The following DLG2 variants were observed in gnomAD, a reference collection of about 807,000 sequenced individuals.
DLG2 encodes the protein disks large homolog 2.
A neutral mutation model predicts 132.5 loss-of-function variants in DLG2; 45 were observed. The observed-to-expected ratio is 0.34, with a 90% CI of 0.27 to 0.44. The LOEUF (loss-of-function observed/expected upper bound fraction) is 0.44. DLG2 is among the 20% of genes least tolerant of loss of function. The pLI, the probability that DLG2 is intolerant of heterozygous loss-of-function variation, is 1.00. For synonymous variants in DLG2, 424 were observed against 419.6 expected (o/e 1.01, Z -0.13); for missense variants, 1,045 against 1,196.9 (o/e 0.87, Z 1.87).
At chr11:85,076,273 G>C (rs1264500523) in intron 6 of DLG2, among the ~76,000 whole-genome samples, 1 of 151,844 alleles carries the variant, frequency 6.6e-6, no homozygotes, top group African/African-American at 2.4e-5. Context: ...ACATGTATTT[G>C]GGTTAGTCTG....
intron 6 of DLG2, among the ~76,000 whole-genome samples, chr11:84,857,752 C>T (rs2082982547): frequency 6.6e-6 from 1 of 152,052 alleles, no homozygotes. Context: ...GGATTCTGTA[C>T]TTTCACATCT....
At chr11:85,351,895 C>T (rs2083317612) in intron 3 of DLG2, among the ~76,000 whole-genome samples, 1 of 152,154 alleles carries the variant, frequency 6.6e-6, no homozygotes, top group African/African-American at 2.4e-5. Context: ...CCCTGTCAGG[C>T]TTTGGCATCA....
intron 4 of DLG2, among the ~76,000 whole-genome samples, chr11:85,164,149 T>C (rs530476724): frequency 6.6e-6 from 1 of 152,184 alleles, no homozygotes; most frequent in Non-Finnish European, 1.5e-5. Context: ...AAAGTTGTCA[T>C]AGACTAACTC....
intron 8 of DLG2, among the ~76,000 whole-genome samples, chr11:84,229,010 C>T (rs776042279): frequency 2.0e-5 from 3 of 152,014 alleles, no homozygotes; most frequent in African/African-American, 7.2e-5. Flanking sequence ...GGAAAAAAAC[C>T]ACTTGGCACA....
intron 4 of DLG2, among the ~76,000 whole-genome samples, chr11:85,227,062 G>A (rs1319085458): frequency 6.6e-6 from 1 of 152,090 alleles, no homozygotes; most frequent in Non-Finnish European, 1.5e-5. Flanking sequence ...ATGACTGCAA[G>A]TGAAAACCAT....
chr11:83,668,868 T>TATA (rs150778195), intron 18 of DLG2, among the ~76,000 whole-genome samples: 2,000 of 61,930 alleles, frequency 0.032, 139 homozygotes, highest in African/African-American at 0.16. Flanking sequence ...TATATATATA[T>TATA]TTTTTTTTTA....
intron 3 of DLG2, among the ~76,000 whole-genome samples, chr11:85,336,767 G>T (rs1395506433): frequency 6.6e-6 from 1 of 152,182 alleles, no homozygotes; most frequent in South Asian, 2.1e-4. Flanking sequence ...CAATCTCCCA[G>T]TGCCAAACTG....
intron 3 of DLG2, among the ~76,000 whole-genome samples, chr11:85,526,471 A>T (rs1036408054): frequency 2.0e-5 from 3 of 152,162 alleles, no homozygotes; most frequent in African/African-American, 4.8e-5. Context: ...ACAAAATAGG[A>T]CATTGAAATG....
chr11:83,877,012 T>C (rs2064946311), intron 15 of DLG2, among the ~76,000 whole-genome samples: 2 of 152,142 alleles, frequency 1.3e-5, no homozygotes, highest in African/African-American at 4.8e-5. Context: ...TTGATATCAA[T>C]TACTTTTTTC....
At chr11:85,562,100 T>C (rs1046784010) in intron 3 of DLG2, among the ~76,000 whole-genome samples, 1 of 151,794 alleles carries the variant, frequency 6.6e-6, no homozygotes, top group African/African-American at 2.4e-5. Flanking sequence ...AAAAAGGAAC[T>C]GTACCACCAG....
chr11:84,618,197 C>T (rs934596891), intron 6 of DLG2, among the ~76,000 whole-genome samples: 19 of 151,958 alleles, frequency 1.3e-4, no homozygotes, highest in Non-Finnish European at 7.4e-5. Context: ...AGGAAAGGAG[C>T]TTGGAGAAGT....
At chr11:85,623,554 C>T (rs755476952) in intron 2 of DLG2, among the ~76,000 whole-genome samples, 3 of 152,136 alleles carry the variant, frequency 2.0e-5, no homozygotes, top group Non-Finnish European at 2.9e-5. Context: ...CCGCCCGCCT[C>T]GGCCTCCCAA....
chr11:84,552,031 A>G (rs1285878466), intron 6 of DLG2, among the ~76,000 whole-genome samples: 4 of 152,182 alleles, frequency 2.6e-5, no homozygotes, highest in Admixed American at 2.6e-4. Context: ...GATGGTTTAC[A>G]TTAGACTGAG....
intron 9 of DLG2, among the ~76,000 whole-genome samples, chr11:84,131,214 T>C (rs1017869175): frequency 6.6e-6 from 1 of 151,910 alleles, no homozygotes; most frequent in South Asian, 2.1e-4. Context: ...TGTTGAAGAA[T>C]GGAGAAACAG....
chr11:84,779,909 A>T (rs2071405463), intron 6 of DLG2, among the ~76,000 whole-genome samples: 1 of 151,098 alleles, frequency 6.6e-6, no homozygotes, highest in South Asian at 2.1e-4. Context: ...AAAGCCCAGG[A>T]CCAGGACCAG....
intron 18 of DLG2, among the ~76,000 whole-genome samples, chr11:83,772,976 T>C (rs756031634): frequency 1.3e-5 from 2 of 152,224 alleles, no homozygotes; most frequent in African/African-American, 2.4e-5. Flanking sequence ...AACCCACATA[T>C]TATGTTAGCA....
chr11:85,397,499 T>C (rs1404571401), intron 3 of DLG2, among the ~76,000 whole-genome samples: 1 of 152,130 alleles, frequency 6.6e-6, no homozygotes, highest in Admixed American at 6.6e-5. Context: ...GGATAAAGAA[T>C]CAAGCACCAT....
intron 4 of DLG2, among the ~76,000 whole-genome samples, chr11:85,192,132 A>G (rs2080637560): frequency 6.6e-6 from 1 of 152,196 alleles, no homozygotes; most frequent in Non-Finnish European, 1.5e-5. Context: ...TTGGAGACAA[A>G]AAGACTTAGG....
chr11:84,357,713 G>A (rs1029944015), intron 7 of DLG2, among the ~76,000 whole-genome samples: 4 of 151,888 alleles, frequency 2.6e-5, no homozygotes, highest in Non-Finnish European at 5.9e-5. Flanking sequence ...CACTATTCTT[G>A]ACTACCTGTT....
Sources: allele counts gnomAD v4.1 joint callset (sites outside exome capture counted in the v4.1 genomes callset), GRCh38; gene constraint gnomAD v4.1.1; transcripts MANE v1.5; gene names NCBI Gene and HGNC (gene_info 2026-07-23, HGNC 2026-07-21).